The following NLK variants were observed in gnomAD, a reference collection of about 807,000 sequenced individuals.
NLK encodes the protein nemo like kinase, also known as serine/threonine-protein kinase NLK.
A neutral mutation model predicts 59.0 loss-of-function variants in NLK; 11 were observed. The ratio of observed to expected loss-of-function variants is 0.19; its 90% CI spans 0.12 to 0.31. The LOEUF (loss-of-function observed/expected upper bound fraction) is 0.31. Ranked by LOEUF, NLK falls within the 10% of genes least tolerant of loss-of-function variation. The pLI is 1.00. For missense variants in NLK, 410 were observed against 661.1 expected, an observed-to-expected ratio of 0.62 and a Z score of 4.16; for synonymous variants, 235 against 235.9, an observed-to-expected ratio of 1.00 and a Z score of 0.03.
At position 28,042,702 on chromosome 17, in the gene NLK, A is replaced by G. The variant is rs1014529593; in HGVS notation, c.-172A>G. ...CTTTTGGCAACCCACACCCTTCCAC[A>G]CACGCTCACCCCAAAATTAAACACC... On this transcript the variant is annotated 5_prime_UTR_variant, in exon 1 of 11. Transcript: ENST00000407008. 5 of 552,590 alleles carry G rather than the reference A, an allele frequency of 9.0e-6. No individual in the cohort carries two copies. In the African/African-American group the frequency reaches 9.8e-5, roughly 11 times the overall value. 34.2% of individuals were successfully genotyped at this position (552,590 alleles called of 1,614,324 possible).
intron 1 of NLK, among the ~76,000 whole-genome samples, chr17:28,078,962 A>G (rs1910257782): frequency 6.6e-6 from 1 of 152,204 alleles, no homozygotes; most frequent in South Asian, 2.1e-4. Context: ...CTATATGCAC[A>G]TTGTTGTGCA....
intron 2 of NLK, among the ~76,000 whole-genome samples, chr17:28,128,763 A>G (rs901714494): frequency 2.6e-5 from 4 of 152,224 alleles, no homozygotes; most frequent in African/African-American, 9.6e-5. Flanking sequence ...CTAAAGCTAA[A>G]TATACACCTA....
chr17:28,052,146 A>T (rs913994319), intron 1 of NLK, among the ~76,000 whole-genome samples: 1 of 152,154 alleles, frequency 6.6e-6, no homozygotes, highest in Non-Finnish European at 1.5e-5. Context: ...ATTTGATACT[A>T]CTATTTTCCT....
At chr17:28,197,420 G>A (rs559771876), downstream of NLK, among the ~76,000 whole-genome samples, 5 of 150,520 alleles carry the variant, frequency 3.3e-5, no homozygotes, top group African/African-American at 1.2e-4. Flanking sequence ...AGTGAGCTGA[G>A]ATCGTGCCAG....
intron 4 of NLK, among the ~76,000 whole-genome samples, chr17:28,162,794 C>G (rs1908065620): frequency 6.6e-6 from 1 of 151,950 alleles, no homozygotes; most frequent in African/African-American, 2.4e-5. Context: ...TGGTACATGC[C>G]CGTAGTTCCC....
intron 1 of NLK, among the ~76,000 whole-genome samples, chr17:28,074,454 G>A (rs1910106652): frequency 6.6e-6 from 1 of 152,156 alleles, no homozygotes; most frequent in African/African-American, 2.4e-5. Context: ...GAGCATAACA[G>A]TTACAAATGG....
At chr17:28,169,954 C>G (rs1411291084) in intron 6 of NLK, among the ~76,000 whole-genome samples, 1 of 152,004 alleles carries the variant, frequency 6.6e-6, no homozygotes, top group Non-Finnish European at 1.5e-5. Flanking sequence ...AAATATGATT[C>G]CAAGTAATGG....
At chr17:28,152,074 C>T (rs565846003) in intron 3 of NLK, among the ~76,000 whole-genome samples, 1 of 152,236 alleles carries the variant, frequency 6.6e-6, no homozygotes, top group East Asian at 1.9e-4. Context: ...AAAAATAGTT[C>T]AGTTTGTCCA....
downstream of NLK, among the ~76,000 whole-genome samples, chr17:28,197,844 AC>A (rs1443294780): frequency 2.6e-5 from 4 of 152,308 alleles, no homozygotes; most frequent in African/African-American, 9.6e-5. Flanking sequence ...TTTTCAGAAA[AC>A]AAATTGAGTT....
intron 7 of NLK, among the ~76,000 whole-genome samples, chr17:28,182,097 T>G (rs1232163917): frequency 6.6e-6 from 1 of 152,174 alleles, no homozygotes; most frequent in African/African-American, 2.4e-5. Flanking sequence ...ATTTTATACT[T>G]AAAGATACCA....
chr17:28,162,022 C>G (rs1908025706), intron 4 of NLK, among the ~76,000 whole-genome samples: 1 of 151,630 alleles, frequency 6.6e-6, no homozygotes, highest in South Asian at 2.1e-4. Context: ...AACACATAAG[C>G]AATTTTTTTT....
chr17:28,088,338 T>TA, intron 1 of NLK, among the ~76,000 whole-genome samples: 1 of 152,334 alleles, frequency 6.6e-6, no homozygotes, highest in African/African-American at 2.4e-5. Context: ...ATTAATTTGT[T>TA]AAGGTTTGCA....
intron 1 of NLK, among the ~76,000 whole-genome samples, chr17:28,119,839 C>T (rs1306405164): frequency 1.3e-5 from 2 of 152,182 alleles, no homozygotes; most frequent in Non-Finnish European, 2.9e-5. Flanking sequence ...TGAGATGATG[C>T]ACTGAGAAGG....
intron 1 of NLK, among the ~76,000 whole-genome samples, chr17:28,047,011 CTT>C (rs1909080352): frequency 6.6e-6 from 1 of 152,068 alleles, no homozygotes; most frequent in Non-Finnish European, 1.5e-5. Context: ...TTTTATCTGT[CTT>C]TCAAAACTGT....
At chr17:28,114,432 G>T (rs1278945607) in intron 1 of NLK, among the ~76,000 whole-genome samples, 1 of 152,108 alleles carries the variant, frequency 6.6e-6, no homozygotes, top group Non-Finnish European at 1.5e-5. Context: ...AAATTGATTT[G>T]TAGGAGTTCT....
At chr17:28,091,169 A>G (rs1319694878) in intron 1 of NLK, among the ~76,000 whole-genome samples, 3 of 152,206 alleles carry the variant, frequency 2.0e-5, no homozygotes, top group Non-Finnish European at 4.4e-5. Flanking sequence ...CAAGTTATAT[A>G]TAAAAGCTTA....
Position 28,043,162 on chromosome 17 carries a change from C to G in NLK, c.289C>G (p.Pro97Ala). ...PGQQQPYFPSPAPGQAPGPAA... is the reference protein window; with the variant it reads ...PGQQQPYFPSAAPGQAPGPAA... Reference sequence around the variant, plus strand: ...GCAACAACAGCCATATTTCCCATCACCGGCACCGGGGCAGGCTCCTGGACC... The same window carrying G: ...GCAACAACAGCCATATTTCCCATCAGCGGCACCGGGGCAGGCTCCTGGACC... Residue 97 changes from proline (P) to alanine (A), a missense_variant, in exon 1 of 11, where the codon CCG becomes GCG. Pro to Ala is a conservative substitution (Grantham distance 27, BLOSUM62 -1). Around this residue, in one of 5 missense-constraint regions of NLK, gnomAD observed 160 missense variants for 171.0 expected, o/e 0.94. Transcript: ENST00000407008. 6.2e-7 allele frequency: 1 copy of G among 1,613,716 alleles called. No individual in the cohort carries two copies. Among genetic ancestry groups the G allele is most frequent in the Non-Finnish European group, 8.5e-7 (1 of 1,179,746 alleles).
intron 1 of NLK, among the ~76,000 whole-genome samples, chr17:28,091,475 TTA>T (rs58232588): frequency 0.011 from 1,646 of 148,590 alleles, 31 homozygotes; most frequent in African/African-American, 0.037. Flanking sequence ...ATAATTATAT[TTA>T]TATATATATA....
Position 28,076,434 on chromosome 17 carries a change from G to C in NLK, c.458+33103G>C, listed in dbSNP as rs543334058. Among the ~76,000 whole-genome samples the C allele has an allele frequency of 2.6e-5, 4 of 152,196 alleles. No individual in the cohort carries two copies. In the South Asian group the frequency reaches 8.3e-4, roughly 32 times the overall value. ...TAAACGGCACTAATCCCATTCATGAGGGCTTCACCTTCATGATATAATCAC... is the reference window on the plus strand; with the variant it reads ...TAAACGGCACTAATCCCATTCATGACGGCTTCACCTTCATGATATAATCAC... On this transcript the variant is annotated intron_variant, in intron 1 of 10. Coordinates refer to ENST00000407008, the MANE Select transcript of NLK (RefSeq NM_016231.5).
Sources: allele counts gnomAD v4.1 joint callset (sites outside exome capture counted in the v4.1 genomes callset), GRCh38; gene constraint gnomAD v4.1.1; regional missense constraint gnomAD v4.1.1; transcripts MANE v1.5; gene names NCBI Gene and HGNC (gene_info 2026-07-23, HGNC 2026-07-21).